RYR2: variants seen among roughly 807,000 people sequenced by gnomAD.
The protein encoded by RYR2 is cardiac muscle ryanodine receptor-calcium release channel.
Under a neutral mutation model 601.1 loss-of-function variants are expected in RYR2, and 227 were observed. The ratio of observed to expected loss-of-function variants is 0.38; its 90% CI spans 0.34 to 0.42. RYR2 has a LOEUF of 0.42. Among genes scored for constraint, RYR2 ranks in the 10% least tolerant of loss-of-function variants. The probability of loss-of-function intolerance (pLI) is 1.00; values close to 1 mark genes in which losing one functional copy is unlikely to be tolerated. For synonymous variants in RYR2, 2,223 were observed against 2,175.1 expected (o/e 1.02, Z -0.61); for missense variants, 4,646 against 6,156.5 (o/e 0.75, Z 8.21).
chr1:237,583,330 AC>A (rs1394691418), intron 29 of RYR2, among the ~76,000 whole-genome samples: 1 of 152,078 alleles, frequency 6.6e-6, no homozygotes, highest in Non-Finnish European at 1.5e-5. Context: ...GGATATTAGG[AC>A]CTTTGTCAGA....
chr1:237,081,455 A>T (rs1665640921), intron 1 of RYR2, among the ~76,000 whole-genome samples: 1 of 151,774 alleles, frequency 6.6e-6, no homozygotes, highest in Non-Finnish European at 1.5e-5. Context: ...ACCAAGATCC[A>T]CAGGAGGACC....
intron 1 of RYR2, among the ~76,000 whole-genome samples, chr1:237,244,973 G>C (rs1188306759): frequency 6.6e-6 from 1 of 152,106 alleles, no homozygotes; most frequent in Non-Finnish European, 1.5e-5. Flanking sequence ...ATCAGCACTT[G>C]TTAAAGATAA....
At chr1:237,628,861 C>T (rs887169789) in intron 41 of RYR2, among the ~76,000 whole-genome samples, 2 of 151,836 alleles carry the variant, frequency 1.3e-5, no homozygotes, top group Non-Finnish European at 2.9e-5. Flanking sequence ...GATAAGGAAG[C>T]TTGTCTTTAT....
At chr1:237,325,601 T>C (rs1696085298) in intron 2 of RYR2, among the ~76,000 whole-genome samples, 1 of 152,024 alleles carries the variant, frequency 6.6e-6, no homozygotes. Context: ...GGCAGGAGAA[T>C]GGCGTGAACG....
chr1:237,262,567 T>G (rs917759408), intron 1 of RYR2, among the ~76,000 whole-genome samples: 9 of 152,160 alleles, frequency 5.9e-5, no homozygotes, highest in African/African-American at 1.9e-4. Flanking sequence ...AAGAGTTTTA[T>G]AGTCACAGGA....
At chr1:237,043,301 G>C (rs1433517462) in intron 1 of RYR2, among the ~76,000 whole-genome samples, 1 of 152,058 alleles carries the variant, frequency 6.6e-6, no homozygotes, top group African/African-American at 2.4e-5. Flanking sequence ...TTGCGTGTGT[G>C]CGCGCGCGCG....
chr1:237,493,744 G>A (rs754671714), intron 19 of RYR2, among the ~76,000 whole-genome samples: 5 of 152,144 alleles, frequency 3.3e-5, no homozygotes, highest in African/African-American at 4.8e-5. Context: ...GAGCCACTGC[G>A]CCCAGCCCCT....
intron 1 of RYR2, among the ~76,000 whole-genome samples, chr1:237,187,196 G>A (rs694708): frequency 0.95 from 143,736 of 150,562 alleles, 68,821 homozygotes; most frequent in Non-Finnish European, 0.99. Flanking sequence ...TTTGAGGTGG[G>A]GTCTCACTCT....
chr1:237,674,654 T>C, intron 59 of RYR2, 77 bp from the exon 60 acceptor site: 1 of 738,892 alleles, frequency 1.4e-6, no homozygotes, highest in Non-Finnish European at 2.4e-6. Context: ...TACACATATA[T>C]ATATACACAC....
intron 12 of RYR2, among the ~76,000 whole-genome samples, chr1:237,435,344 G>A (rs1707235072): frequency 6.6e-6 from 1 of 151,982 alleles, no homozygotes; most frequent in Non-Finnish European, 1.5e-5. Context: ...CAAGTTATGT[G>A]GCAGAACCAA....
At position 237,696,313 on chromosome 1, in the gene RYR2, C is replaced by T. The variant is rs114035482; in HGVS notation, c.9068-2652C>T. Reference sequence around the variant, plus strand: ...TTAATAGTGGCATAGGACTCATATACGTTGCACTGGATCTCTTCCTCCTCA... The same window carrying T: ...TTAATAGTGGCATAGGACTCATATATGTTGCACTGGATCTCTTCCTCCTCA... On this transcript the variant is annotated intron_variant, in intron 63 of 104. Transcript: ENST00000366574. 4.9e-3 allele frequency among the ~76,000 whole-genome samples: 742 copies of T among 152,252 alleles called. 6 individuals carry two copies. The highest frequency in any genetic ancestry group is 0.017 in the African/African-American group (709 of 41,558).
intron 2 of RYR2, among the ~76,000 whole-genome samples, chr1:237,282,185 C>A (rs1023512006): frequency 1.6e-5 from 2 of 129,026 alleles, no homozygotes; most frequent in South Asian, 2.6e-4. Flanking sequence ...CAGAAGTTGG[C>A]GCATTTTTTT....
intron 1 of RYR2, among the ~76,000 whole-genome samples, chr1:237,153,114 C>T (rs1674914985): frequency 6.6e-6 from 1 of 152,054 alleles, no homozygotes; most frequent in Non-Finnish European, 1.5e-5. Flanking sequence ...GACAGGGAAA[C>T]CAATTAGGAT....
At chr1:237,647,350 G>A (rs1213859157) in intron 48 of RYR2, among the ~76,000 whole-genome samples, 2 of 152,138 alleles carry the variant, frequency 1.3e-5, no homozygotes, top group African/African-American at 2.4e-5. Flanking sequence ...GTGTAAGATC[G>A]TGTCAGTAAC....
At chr1:237,331,430 A>G (rs1696697981) in intron 3 of RYR2, among the ~76,000 whole-genome samples, 1 of 152,234 alleles carries the variant, frequency 6.6e-6, no homozygotes. Context: ...TTAAGTAACC[A>G]AATTTTGGTG....
rs1232214660 is a variant in RYR2, at chr1:237,709,489, G to C, written c.10152G>C (p.Trp3384Cys). ...TTATTATGTGATCCAGGGCAAAGTG[G>C]CTAAAGGAGCCTAACCCAGAAGCAG... Reference protein sequence around the residue: ...IRFVDYNRAKWLKEPNPEAEE... With the variant: ...IRFVDYNRAKCLKEPNPEAEE... The change falls in exon 70 of 105, where the codon TGG becomes TGC. Residue 3384 changes from tryptophan to cysteine, a missense_variant. This residue lies in a region of RYR2 where 1,497 missense variants were observed against 1,842.6 expected (regional missense o/e 0.81). Transcript: ENST00000366574. 6.2e-7 allele frequency: 1 copy of C among 1,608,698 alleles called. No homozygotes were observed. The highest frequency in any genetic ancestry group is 8.5e-7 in the Non-Finnish European group (1 of 1,176,264).
chr1:237,512,395 G>T lies in RYR2; in HGVS notation c.2822+604G>T, dbSNP rs549259685. ...AAGCACTGATTTAATATATTTAAAA[G>T]ATGCTAAATTCAAAGAGTTGAATAA... On this transcript the variant is annotated intron_variant, in intron 24 of 104. Transcript: ENST00000366574. Among the ~76,000 whole-genome samples, 276 of 152,296 alleles carry T rather than the reference G, an allele frequency of 1.8e-3. 2 individuals carry two copies. Among genetic ancestry groups the T allele is most frequent in the African/African-American group, 6.3e-3 (262 of 41,566 alleles).
chr1:237,593,673 G>GA, intron 33 of RYR2, 37 bp downstream of exon 33: 3 of 1,603,940 alleles, frequency 1.9e-6, no homozygotes, highest in African/African-American at 1.3e-5. Context: ...AATGACATGT[G>GA]AAAAAAATAT....
At position 237,632,742 on chromosome 1, in the gene RYR2, A is replaced by T. The variant is rs1471659934; in HGVS notation, c.6556-836A>T. 2.8e-5 allele frequency among the ~76,000 whole-genome samples: 4 copies of T among 144,670 alleles called. 1 individual carries two copies. The East Asian group carries it at 8.2e-4, about 30-fold the overall frequency. The allele number at this position is 144,670 out of a possible 152,430, so 94.9% of individuals were successfully genotyped here. A position where few individuals can be genotyped will look rare whatever the true frequency, so the allele number is the denominator to read the frequency against. ...CACAACTTAATGGTATCAAAAACCA[A>T]ATTAGTAGAATAGTATAATAAAAAA... On this transcript the variant is annotated intron_variant, in intron 42 of 104. Transcript: ENST00000366574.
Sources: allele counts gnomAD v4.1 joint callset (sites outside exome capture counted in the v4.1 genomes callset), GRCh38; gene constraint gnomAD v4.1.1; regional missense constraint gnomAD v4.1.1; transcripts MANE v1.5; gene names NCBI Gene and HGNC (gene_info 2026-07-23, HGNC 2026-07-21).